The following ABCC4 variants were observed in gnomAD, a reference collection of about 807,000 sequenced individuals.
ABCC4 encodes the protein ATP-binding cassette sub-family C member 4.
Under a neutral mutation model 168.5 loss-of-function variants are expected in ABCC4, and 102 were observed. That is an observed-to-expected ratio of 0.61 (90% CI 0.52 to 0.71). The LOEUF (loss-of-function observed/expected upper bound fraction) is 0.71, where lower values mean the gene tolerates loss of function less well. Among genes scored for constraint, ABCC4 ranks in the 30% least tolerant of loss-of-function variants. The pLI is 0.00. For synonymous variants in ABCC4, 617 were observed against 590.7 expected (o/e 1.04, Z -0.65); for missense variants, 1,402 against 1,605.8 (o/e 0.87, Z 2.17).
intron 22 of ABCC4, 167 bp downstream of exon 22, chr13:95,075,265 C>T (rs545592849): frequency 2.3e-6 from 2 of 863,830 alleles, no homozygotes; most frequent in African/African-American, 3.4e-5. Flanking sequence ...CGAGAGGAGT[C>T]CAAGCCCAGA....
At chr13:95,191,896 G>A (rs1364214301) in intron 9 of ABCC4, among the ~76,000 whole-genome samples, 2 of 152,182 alleles carry the variant, frequency 1.3e-5, no homozygotes, top group Admixed American at 6.5e-5. Context: ...CTGCCCCGCC[G>A]GGAGGCCTGG....
At chr13:95,054,687 C>T (rs1285067120) in intron 26 of ABCC4, among the ~76,000 whole-genome samples, 1 of 152,136 alleles carries the variant, frequency 6.6e-6, no homozygotes, top group Non-Finnish European at 1.5e-5. Flanking sequence ...GATGTGGGAA[C>T]AAGAGAAGGT....
intron 30 of ABCC4, among the ~76,000 whole-genome samples, chr13:95,031,254 T>C (rs1186109738): frequency 3.9e-5 from 6 of 152,210 alleles, no homozygotes; most frequent in African/African-American, 1.4e-4. Flanking sequence ...TGTCTTTCTG[T>C]AGAGGAGGTG....
rs1226952790 is a variant in ABCC4, at chr13:95,053,173, C to G, written c.3378G>C (p.Leu1126Phe). The G allele has an allele frequency of 6.2e-7, 1 of 1,614,064 alleles. No homozygotes were observed. Among genetic ancestry groups the G allele is most frequent in the Non-Finnish European group, 8.5e-7 (1 of 1,179,944 alleles). The change falls in exon 27 of 31, where the codon TTG becomes TTC. Residue 1126 changes from leucine to phenylalanine, a missense_variant. By Grantham distance (22) the Leu-to-Phe change is conservative (BLOSUM62 0). This residue lies in a region of ABCC4 where 1,007 missense variants were observed against 1,127.3 expected (regional missense o/e 0.89). Transcript: ENST00000645237. ...GGTTTTTCCTCATTGTTCCAGTGAA[C>G]AAAACAGGTTCCTAAGTGCCCAAAA... is the stretch of plus-strand genomic sequence containing the variant. ...KMSIIPQEPV[L>F]FTGTMRKNLD...
intron 26 of ABCC4, among the ~76,000 whole-genome samples, chr13:95,059,442 AG>A (rs2033201861): frequency 6.6e-6 from 1 of 152,234 alleles, no homozygotes. Context: ...AAGAGGGACA[AG>A]CCCCTGTTCT....
At chr13:95,143,202 G>A (rs772927875) in intron 19 of ABCC4, among the ~76,000 whole-genome samples, 97 of 151,946 alleles carry the variant, frequency 6.4e-4, no homozygotes, top group Non-Finnish European at 1.3e-3. Flanking sequence ...CCAATCTTTC[G>A]ATTTCCCACA....
At chr13:95,296,285 A>G (rs2138967817) in intron 1 of ABCC4, among the ~76,000 whole-genome samples, 1 of 152,104 alleles carries the variant, frequency 6.6e-6, no homozygotes, top group East Asian at 1.9e-4. Flanking sequence ...GGATTTTGAG[A>G]CCAGCCTGGG....
At chr13:95,112,617 G>A (rs2035243606) in intron 20 of ABCC4, among the ~76,000 whole-genome samples, 1 of 152,090 alleles carries the variant, frequency 6.6e-6, no homozygotes, top group Non-Finnish European at 1.5e-5. Flanking sequence ...CTGATGATAC[G>A]TAGTTCCCCT....
At chr13:95,172,868 G>A (rs138341137) in intron 13 of ABCC4, among the ~76,000 whole-genome samples, 6 of 152,090 alleles carry the variant, frequency 3.9e-5, no homozygotes, top group Admixed American at 1.3e-4. Flanking sequence ...GCAGTGGGCC[G>A]TGATCATGCC....
intron 20 of ABCC4, among the ~76,000 whole-genome samples, chr13:95,105,491 C>T (rs889611923): frequency 6.6e-6 from 1 of 152,152 alleles, no homozygotes; most frequent in African/African-American, 2.4e-5. Flanking sequence ...CCTGGAGGTT[C>T]AAGGACAAGT....
chr13:95,081,368 C>A (rs546405880), intron 21 of ABCC4, among the ~76,000 whole-genome samples: 8 of 152,244 alleles, frequency 5.3e-5, no homozygotes, highest in African/African-American at 1.9e-4. Context: ...ACCACAGACT[C>A]CCTTAAAACA....
At chr13:95,253,069 C>T (rs773308499) in intron 1 of ABCC4, among the ~76,000 whole-genome samples, 18 of 152,172 alleles carry the variant, frequency 1.2e-4, no homozygotes, top group Non-Finnish European at 2.4e-4. Flanking sequence ...CACTGTTCTT[C>T]CTCACCTTCC....
intron 1 of ABCC4, among the ~76,000 whole-genome samples, chr13:95,274,377 G>A (rs1208419340): frequency 6.6e-6 from 1 of 152,122 alleles, no homozygotes; most frequent in African/African-American, 2.4e-5. Flanking sequence ...GCTCTGATAT[G>A]CAAACCAACC....
chr13:95,023,100 T>C (rs1224094760), intron 30 of ABCC4, among the ~76,000 whole-genome samples: 1 of 152,232 alleles, frequency 6.6e-6, no homozygotes, highest in East Asian at 1.9e-4. Flanking sequence ...AAAAGGCTAT[T>C]CTGTAGTGAA....
Position 95,065,164 on chromosome 13 carries a change from T to C in ABCC4, c.3211-2305A>G, listed in dbSNP as rs781711428. Among the ~76,000 whole-genome samples, 7 of 152,144 alleles carry C rather than the reference T, an allele frequency of 4.6e-5. No homozygotes were observed. In the South Asian group the frequency reaches 1.0e-3, roughly 23 times the overall value. ...CAAGTTCACAGGCTCAAAACACCCA[T>C]CTCCCAGGTTTTCTCAACTCCAAGC... On this transcript the variant is annotated intron_variant, in intron 25 of 30. Transcript: ENST00000645237.
intron 1 of ABCC4, among the ~76,000 whole-genome samples, chr13:95,256,940 G>T (rs1386246088): frequency 6.6e-6 from 1 of 152,040 alleles, no homozygotes; most frequent in Non-Finnish European, 1.5e-5. Flanking sequence ...TTAACAAAGC[G>T]AGCATCTGAA....
chr13:95,022,507 G>A (rs1396825620), intron 30 of ABCC4, among the ~76,000 whole-genome samples: 1 of 152,040 alleles, frequency 6.6e-6, no homozygotes, highest in Non-Finnish European at 1.5e-5. Flanking sequence ...TGACAGATGC[G>A]CATAACAAAA....
chr13:95,063,551 A>G (rs1456164779), intron 25 of ABCC4, among the ~76,000 whole-genome samples: 1 of 152,188 alleles, frequency 6.6e-6, no homozygotes, highest in Non-Finnish European at 1.5e-5. Context: ...ACATAATGAG[A>G]TCAACAACAA....
chr13:95,115,772 G>A (rs536793119), intron 20 of ABCC4, 150 bp downstream of exon 20: 19 of 645,162 alleles, frequency 2.9e-5, no homozygotes, highest in South Asian at 1.8e-4. Context: ...AGTTATAACC[G>A]CACCTTTCTT....
Sources: gnomAD v4.1 joint callset for allele counts (sites outside exome capture counted in the v4.1 genomes callset) on GRCh38, gnomAD v4.1.1 for gene constraint, gnomAD v4.1.1 regional missense constraint, MANE v1.5 for transcripts, NCBI Gene and HGNC (gene_info 2026-07-23, HGNC 2026-07-21) for gene names.